C10orf105: variants seen among roughly 807,000 people sequenced by gnomAD.
C10orf105 encodes the protein chromosome 10 open reading frame 105.
A neutral mutation model predicts 0.6 loss-of-function variants in C10orf105; 2 were observed. That is an observed-to-expected ratio of 3.18 (90% confidence interval 1.30 to 10.01). The LOEUF (loss-of-function observed/expected upper bound fraction) is 10.01, where lower values mean the gene tolerates loss of function less well. Among genes scored for constraint, C10orf105 ranks in the 30% most tolerant of loss-of-function variants. The probability of loss-of-function intolerance (pLI) is 0.04; values close to 1 mark genes in which losing one functional copy is unlikely to be tolerated. For missense variants in C10orf105, 209 were observed against 191.4 expected (o/e 1.09, Z -0.54); for synonymous variants, 95 against 82.4 (o/e 1.15, Z -0.83).
chr10:71,715,988 C>T lies in C10orf105; in HGVS notation c.350G>A (p.Gly117Asp), dbSNP rs765946262. 6.7e-7 allele frequency: 1 copy of T among 1,493,846 alleles called. No homozygotes were observed. The highest frequency in any genetic ancestry group is 1.3e-5 in the South Asian group (1 of 74,388). 92.5% of individuals were successfully genotyped at this position (1,493,846 alleles called of 1,614,324 possible). A position where few individuals can be genotyped will look rare whatever the true frequency, so the allele number is the denominator to read the frequency against. The change falls in exon 2 of 2, where the codon GGC (glycine) becomes GAC (aspartate). Residue 117 changes from glycine to aspartate, a missense_variant. Transcript: ENST00000441508. ...ACAGTGGCTGCGGTTGTCCTCGGGG[C>T]CCGGCAGGGGCTGTCGAGGGACGGT... ...RPTVPRQPLP[G>D]PEDNRSHCDY...
intron 1 of C10orf105, chr10:71,737,614 C>A: frequency 2.2e-6 from 1 of 455,092 alleles, no homozygotes; most frequent in South Asian, 1.6e-5. Context: ...TGCAGGGAAG[C>A]AGAGAATGGG....
intron 1 of C10orf105, among the ~76,000 whole-genome samples, chr10:71,728,156 GAA>G (rs985513494): frequency 6.6e-6 from 1 of 152,080 alleles, no homozygotes; most frequent in Non-Finnish European, 1.5e-5. Context: ...TCTGTTTACC[GAA>G]AAAGAGTTCC....
At chr10:71,724,449 A>G (rs574293971), upstream of C10orf105, among the ~76,000 whole-genome samples, 3 of 152,172 alleles carry the variant, frequency 2.0e-5, no homozygotes, top group Non-Finnish European at 4.4e-5. Flanking sequence ...AGTAGCTGGG[A>G]CTACAGGCGC....
At chr10:71,734,781 C>T in intron 1 of C10orf105, 1 of 577,094 alleles carries the variant, frequency 1.7e-6, no homozygotes, top group Non-Finnish European at 3.2e-6. Flanking sequence ...AGGCCTGCAG[C>T]AGGCCCCCTC....
chr10:71,712,917 G>A lies in C10orf105; in HGVS notation c.*3019C>T. On this transcript the variant is annotated 3_prime_UTR_variant, in exon 2 of 2. Transcript: ENST00000441508. ...AGTGGCACCAGAGGCGGAAGCAGGTGGGGGCCCAGGGTGGGTCCGCTGCTC... is the reference window on the plus strand; with the variant it reads ...AGTGGCACCAGAGGCGGAAGCAGGTAGGGGCCCAGGGTGGGTCCGCTGCTC... 1 of 1,379,342 alleles carries A rather than the reference G, an allele frequency of 7.2e-7. No homozygotes were observed. The highest frequency in any genetic ancestry group is 1.2e-5 in the South Asian group (1 of 80,424). 85.4% of individuals were successfully genotyped at this position (1,379,342 alleles called of 1,614,324 possible).
intron 1 of C10orf105, among the ~76,000 whole-genome samples, chr10:71,724,888 C>G (rs570339541): frequency 3.0e-4 from 46 of 152,330 alleles, no homozygotes; most frequent in Admixed American, 3.0e-3. Flanking sequence ...AAAGAAAAAT[C>G]AGGGTGCTGT....
intron 1 of C10orf105, among the ~76,000 whole-genome samples, chr10:71,726,383 G>C (rs1000125623): frequency 3.9e-5 from 6 of 152,214 alleles, no homozygotes; most frequent in Non-Finnish European, 7.3e-5. Context: ...TGGAAACAAT[G>C]AGCGGTGGTC....
At chr10:71,723,140 A>C (rs560390398), upstream of C10orf105, among the ~76,000 whole-genome samples, 3 of 152,280 alleles carry the variant, frequency 2.0e-5, no homozygotes, top group Admixed American at 6.5e-5. Context: ...ACCCAAAAGA[A>C]GTGGGAGAGC....
intron 1 of C10orf105, among the ~76,000 whole-genome samples, chr10:71,718,877 G>A (rs923604488): frequency 6.6e-6 from 1 of 151,904 alleles, no homozygotes; most frequent in Non-Finnish European, 1.5e-5. Flanking sequence ...GAACAGCCTG[G>A]GCAACATAGT....
At chr10:71,734,505 C>A (rs1266856800) in intron 1 of C10orf105, 8 of 1,574,246 alleles carry the variant, frequency 5.1e-6, no homozygotes, top group Admixed American at 1.8e-5. Context: ...ACCTTCCCAG[C>A]AGGTTGGGCT....
upstream of C10orf105, among the ~76,000 whole-genome samples, chr10:71,723,258 T>G (rs1866638455): frequency 6.6e-6 from 1 of 152,128 alleles, no homozygotes. Flanking sequence ...TCCACTTGTT[T>G]TGGGTGGGCA....
upstream of C10orf105, among the ~76,000 whole-genome samples, chr10:71,721,751 T>G (rs559235015): frequency 1.3e-5 from 2 of 152,292 alleles, no homozygotes; most frequent in South Asian, 4.1e-4. Context: ...ATGTCTATAC[T>G]CCCTGTCCTG....
chr10:71,734,694 T>C (rs1338996724), intron 1 of C10orf105: 4 of 1,348,234 alleles, frequency 3.0e-6, no homozygotes, highest in Non-Finnish European at 4.0e-6. Flanking sequence ...CCCTGTGCTG[T>C]TGGCTGTGGC....
At chr10:71,734,202 C>G (rs375759451) in intron 1 of C10orf105, 4 of 1,514,084 alleles carry the variant, frequency 2.6e-6, no homozygotes, top group Admixed American at 1.9e-5. Context: ...AACAAGGGTG[C>G]GATGTTGTCA....
chr10:71,712,399 G>A lies in C10orf105; in HGVS notation c.*3537C>T. ...GCCTCAGTTACCTCCTCTGTAAAAT[G>A]GGGATGACAGTAAAGTGTCTGCTTC... On this transcript the variant is annotated 3_prime_UTR_variant, in exon 2 of 2. Transcript: ENST00000441508. 1 of 407,116 alleles carries A rather than the reference G, an allele frequency of 2.5e-6. No individual in the cohort carries two copies. Among genetic ancestry groups the A allele is most frequent in the Non-Finnish European group, 4.5e-6 (1 of 223,944 alleles). The allele number at this position is 407,116 out of a possible 1,614,324, so 25.2% of individuals were successfully genotyped here. A position where few individuals can be genotyped will look rare whatever the true frequency, so the allele number is the denominator to read the frequency against.
rs576011060 is a variant in C10orf105, at chr10:71,715,792, G to A, written c.*144C>T. On this transcript the variant is annotated 3_prime_UTR_variant, in exon 2 of 2. Transcript: ENST00000441508. The stretch of plus-strand genomic sequence containing the variant: ...TCTTTGGGAAAGGGCGCTGGCCTGG[G>A]CATGCAAGGAGCTTCGGGGGGTGAG... The A allele has an allele frequency of 2.7e-3, 1,935 of 723,386 alleles. 9 individuals are homozygous for A. Among genetic ancestry groups the A allele is most frequent in the Non-Finnish European group, 3.2e-3 (1,517 of 474,746 alleles). 44.8% of individuals were successfully genotyped at this position (723,386 alleles called of 1,614,324 possible).
rs2132762896 is a variant in C10orf105, at chr10:71,713,490, G to A, written c.*2446C>T. The A allele has an allele frequency of 1.8e-6, 1 of 565,284 alleles. No homozygotes were observed. The highest frequency in any genetic ancestry group is 3.0e-5 in the East Asian group (1 of 33,660). The allele number at this position is 565,284 out of a possible 1,614,324, so 35.0% of individuals were successfully genotyped here. On this transcript the variant is annotated 3_prime_UTR_variant, in exon 2 of 2. Transcript: ENST00000441508. ...TGGGGCAGGCTCCCGGGCTTGGGAGGGACAGAAGCGTGGGAGGCTGGCAAT... is the reference window on the plus strand; with the variant it reads ...TGGGGCAGGCTCCCGGGCTTGGGAGAGACAGAAGCGTGGGAGGCTGGCAAT...
Position 71,727,423 on chromosome 10 carries a change from A to G in C10orf105, c.-6+10305T>C, listed in dbSNP as rs368724702. Among the ~76,000 whole-genome samples, 39 of 152,348 alleles carry G rather than the reference A, an allele frequency of 2.6e-4. 1 individual carries two copies. In the East Asian group the frequency reaches 7.1e-3, roughly 28 times the overall value. On this transcript the variant is annotated intron_variant, in intron 1 of 1. Transcript: ENST00000398786. ...GGCAGGTGCTTGGTGGCACTGTAGT[A>G]CACAGCCTCCACACCCATGAGACCC... is the stretch of plus-strand genomic sequence containing the variant.
intron 1 of C10orf105, chr10:71,732,287 C>G (rs1363195120): frequency 1.9e-6 from 3 of 1,612,656 alleles, no homozygotes; most frequent in African/African-American, 1.3e-5. Flanking sequence ...CAGGCCTACT[C>G]CATCGACAAC....
Sources: allele counts gnomAD v4.1 joint callset (sites outside exome capture counted in the v4.1 genomes callset), GRCh38; gene constraint gnomAD v4.1.1; transcripts MANE v1.5; gene names NCBI Gene and HGNC (gene_info 2026-07-23, HGNC 2026-07-21).